The following CDC5L variants were observed in gnomAD, a reference collection of about 807,000 sequenced individuals.
CDC5L encodes cell division cycle 5 like, also known as cell division cycle 5-like protein.
A neutral mutation model predicts 104.1 loss-of-function variants in CDC5L; 18 were observed. The ratio of observed to expected loss-of-function variants is 0.17; its 90% confidence interval spans 0.12 to 0.26. The LOEUF (loss-of-function observed/expected upper bound fraction) is 0.26. Ranked by LOEUF, CDC5L falls within the 10% of genes least tolerant of loss-of-function variation. CDC5L has a pLI of 1.00. For synonymous variants in CDC5L, 331 were observed against 322.7 expected (o/e 1.03, Z -0.28); for missense variants, 673 against 956.9 (o/e 0.70, Z 3.91).
chr6:44,421,995 G>T (rs551358235), intron 9 of CDC5L, among the ~76,000 whole-genome samples: 1 of 152,092 alleles, frequency 6.6e-6, no homozygotes, highest in African/African-American at 2.4e-5. Context: ...TCACCGTTCT[G>T]CAACACACCA....
At chr6:44,389,455 A>G (rs1256829657) in intron 1 of CDC5L, among the ~76,000 whole-genome samples, 2 of 152,232 alleles carry the variant, frequency 1.3e-5, no homozygotes, top group Non-Finnish European at 2.9e-5. Flanking sequence ...AAAAAAGCCT[A>G]GAAGTAAAAT....
chr6:44,418,260 C>T (rs1161954155), intron 8 of CDC5L, among the ~76,000 whole-genome samples: 2 of 151,714 alleles, frequency 1.3e-5, no homozygotes, highest in African/African-American at 4.8e-5. Context: ...GTTTTTTTGT[C>T]CTTGTGATAG....
rs777633635 is a variant in CDC5L, at chr6:44,419,560, G to A, written c.1204G>A (p.Val402Ile). Reference protein sequence around the residue: ...FSGVTPQRQVVQTPNTVLSTP... With the variant: ...FSGVTPQRQVIQTPNTVLSTP... ...AGGTGTAACTCCACAGCGACAAGTTGTACAGACTCCAAACACAGTTCTCTC... is the reference window on the plus strand; with the variant it reads ...AGGTGTAACTCCACAGCGACAAGTTATACAGACTCCAAACACAGTTCTCTC... The change falls in exon 9 of 16, where the codon GTA becomes ATA. Residue 402 changes from valine (V) to isoleucine (I), a missense_variant. Around this residue, in one of 4 missense-constraint regions of CDC5L, gnomAD observed 578 missense variants for 737.0 expected, o/e 0.78. Transcript: ENST00000371477. The A allele has an allele frequency of 2.5e-6, 4 of 1,613,764 alleles. No individual in the cohort carries two copies. The highest frequency in any genetic ancestry group is 1.1e-5 in the South Asian group (1 of 91,078).
At chr6:44,398,794 T>G (rs952578235) in intron 5 of CDC5L, among the ~76,000 whole-genome samples, 1 of 152,218 alleles carries the variant, frequency 6.6e-6, no homozygotes. Context: ...TGAAATACAT[T>G]TTTCTAAACT....
At chr6:44,424,686 T>A (rs1157024066) in intron 11 of CDC5L, 103 bp downstream of exon 11, 3 of 1,035,832 alleles carry the variant, frequency 2.9e-6, no homozygotes, top group Non-Finnish European at 4.2e-6. Context: ...TACCTAGTCC[T>A]TTTTAATATT....
intron 14 of CDC5L, among the ~76,000 whole-genome samples, chr6:44,443,230 C>T (rs1381366799): frequency 2.6e-5 from 4 of 151,102 alleles, no homozygotes; most frequent in African/African-American, 9.7e-5. Flanking sequence ...ATCTGATAGT[C>T]TTATGGAGGT....
chr6:44,424,432 G>T lies in CDC5L; in HGVS notation c.1418G>T (p.Arg473Leu). The T allele has an allele frequency of 6.2e-7, 1 of 1,612,964 alleles. No individual in the cohort carries two copies. Among genetic ancestry groups the T allele is most frequent in the Non-Finnish European group, 8.5e-7 (1 of 1,179,178 alleles). ...SYVKQMERES[R>L]EHLRLGLLGL... ...TCTTTTCTACAGGAAAGAGAATCCCGAGAACATCTCCGTTTAGGGTTGTTG... is the reference window on the plus strand; with the variant it reads ...TCTTTTCTACAGGAAAGAGAATCCCTAGAACATCTCCGTTTAGGGTTGTTG... The change falls in exon 11 of 16, where the codon CGA becomes CTA. Residue 473 changes from arginine (R) to leucine (L), a missense_variant. By Grantham distance (102) the Arg-to-Leu change is moderately radical. Coordinates refer to ENST00000371477, the MANE Select transcript of CDC5L (RefSeq NM_001253.4).
At chr6:44,396,523 G>T in intron 5 of CDC5L, 83 bp downstream of exon 5, 2 of 804,876 alleles carry the variant, frequency 2.5e-6, no homozygotes, top group South Asian at 1.8e-5. Flanking sequence ...CCAGATATGT[G>T]GTTTTTTTTT....
Position 44,421,712 on chromosome 6 carries a change from G to A in CDC5L, c.1242-935G>A, listed in dbSNP as rs372036937. Among the ~76,000 whole-genome samples, 36 of 152,282 alleles carry A rather than the reference G, an allele frequency of 2.4e-4. No homozygotes were observed. The East Asian group carries it at 5.2e-3, about 22-fold the overall frequency. ...ATACAATGTACCAACTATTTATATA[G>A]CATTTACATTGTATTAGGTATTATA... On this transcript the variant is annotated intron_variant, in intron 9 of 15. Transcript: ENST00000371477.
chr6:44,412,785 T>TC (rs1297957605), intron 8 of CDC5L, among the ~76,000 whole-genome samples: 1 of 138,396 alleles, frequency 7.2e-6, no homozygotes, highest in Non-Finnish European at 1.6e-5. Context: ...TAATTTCTTT[T>TC]TTTTTTTTTT....
chr6:44,405,569 A>T (rs930631810), intron 6 of CDC5L, among the ~76,000 whole-genome samples: 8 of 152,224 alleles, frequency 5.3e-5, no homozygotes, highest in African/African-American at 1.9e-4. Context: ...TTTAAGAATC[A>T]TGAGAATTTA....
At chr6:44,410,004 A>G (rs1008210547) in intron 8 of CDC5L, among the ~76,000 whole-genome samples, 2 of 151,806 alleles carry the variant, frequency 1.3e-5, no homozygotes, top group Admixed American at 6.6e-5. Flanking sequence ...GTTTTGATAT[A>G]TGTATACCTT....
In CDC5L at chr6:44,392,686, A is replaced by G. The variant is rs1472628285; in HGVS notation, c.169A>G (p.Ser57Gly). 6 of 1,614,088 alleles carry G rather than the reference A, an allele frequency of 3.7e-6. No individual in the cohort carries two copies. The highest frequency in any genetic ancestry group is 3.4e-6 in the Non-Finnish European group (4 of 1,179,942). Residue 57 changes from serine to glycine, a missense_variant, in exon 3 of 16, where the codon AGC becomes GGC. Coordinates refer to ENST00000371477, the MANE Select transcript of CDC5L (RefSeq NM_001253.4). ...KARWYEWLDPSIKKTEWSREE... is the reference protein window; with the variant it reads ...KARWYEWLDPGIKKTEWSREE... ...TAATAGGTATGAATGGCTGGATCCAAGCATTAAGAAGACAGAATGGTCCAG... is the reference window on the plus strand; with the variant it reads ...TAATAGGTATGAATGGCTGGATCCAGGCATTAAGAAGACAGAATGGTCCAG...
intron 5 of CDC5L, 42 bp from the exon 6 acceptor site, chr6:44,403,767 A>C (rs1309906397): frequency 7.3e-7 from 1 of 1,365,996 alleles, no homozygotes; most frequent in South Asian, 1.3e-5. Flanking sequence ...TATCCCTGTC[A>C]CATGGCATAT....
rs1446850768 is a variant in CDC5L, at chr6:44,449,645, AG to A, written c.*2935del. 2.6e-5 allele frequency: 4 copies of A among 152,192 alleles called. No individual in the cohort carries two copies. Among genetic ancestry groups the A allele is most frequent in the African/African-American group, 9.6e-5 (4 of 41,464 alleles). The allele number at this position is 152,192 out of a possible 1,614,324, so 9.4% of individuals were successfully genotyped here. A position where few individuals can be genotyped will look rare whatever the true frequency, so the allele number is the denominator to read the frequency against. On this transcript the variant is annotated 3_prime_UTR_variant, in exon 16 of 16. Coordinates refer to ENST00000371477, the MANE Select transcript of CDC5L (RefSeq NM_001253.4). ...AAATAAAATGTGATAAAAAGCTGAAAGAAACCACCACAAGGGAGAGTCCTTT... is the reference window on the plus strand; with the variant it reads ...AAATAAAATGTGATAAAAAGCTGAAAAAACCACCACAAGGGAGAGTCCTTT...
Position 44,444,725 on chromosome 6 carries a change from G to GT in CDC5L, c.2092-923dup, listed in dbSNP as rs11572043. 7.9e-3 allele frequency among the ~76,000 whole-genome samples: 1,206 copies of GT among 152,206 alleles called. 21 individuals carry two copies. The highest frequency in any genetic ancestry group is 0.028 in the African/African-American group (1,152 of 41,522). ...CACACCTGTTTAAAACCACCTCCTT[G>GT]TTTTTTTGATCTAGAGAGACATGCA... On this transcript the variant is annotated intron_variant, in intron 14 of 15. Coordinates refer to ENST00000371477, the MANE Select transcript of CDC5L (RefSeq NM_001253.4).
chr6:44,413,888 T>C (rs1233669474), intron 8 of CDC5L, among the ~76,000 whole-genome samples: 2 of 152,136 alleles, frequency 1.3e-5, no homozygotes, highest in Non-Finnish European at 2.9e-5. Context: ...CCTAGCACAT[T>C]GTACGTTTTT....
intron 14 of CDC5L, among the ~76,000 whole-genome samples, chr6:44,432,818 C>T (rs1448693126): frequency 6.6e-6 from 1 of 152,144 alleles, no homozygotes; most frequent in Non-Finnish European, 1.5e-5. Context: ...GAGTTTAGAA[C>T]CTTGCCAGAC....
intron 8 of CDC5L, among the ~76,000 whole-genome samples, chr6:44,417,985 ACTT>A (rs750554330): frequency 1.1e-4 from 17 of 152,088 alleles, no homozygotes; most frequent in Non-Finnish European, 2.4e-4. Context: ...GATGTATAAA[ACTT>A]CTTTTTAAAT....
Sources: allele counts gnomAD v4.1 joint callset (sites outside exome capture counted in the v4.1 genomes callset), GRCh38; gene constraint gnomAD v4.1.1; regional missense constraint gnomAD v4.1.1; transcripts MANE v1.5; gene names NCBI Gene and HGNC (gene_info 2026-07-23, HGNC 2026-07-21).